PCDHA2: variants seen among roughly 807,000 people sequenced by gnomAD.
PCDHA2 encodes the protein protocadherin alpha 2.
In PCDHA2, 58 loss-of-function variants were observed where a neutral mutation model predicts 66.0. That is an observed-to-expected ratio of 0.88 (90% CI 0.71 to 1.09). PCDHA2 has a LOEUF of 1.09. Ranked by LOEUF, PCDHA2 falls within the 50% of genes least tolerant of loss-of-function variation. PCDHA2 has a pLI of 0.00. For missense variants in PCDHA2, 1,267 were observed against 1,242.3 expected (o/e 1.02, Z -0.30); for synonymous variants, 634 against 554.0 (o/e 1.14, Z -2.03).
chr5:140,876,802 G>C, intron 1 of PCDHA2: 2 of 1,614,248 alleles, frequency 1.2e-6, no homozygotes. Context: ...AGTGTCCGTG[G>C]AGGTGGCCGA....
At chr5:140,801,871 C>A (rs375984847) in intron 1 of PCDHA2, 9 of 1,613,966 alleles carry the variant, frequency 5.6e-6, no homozygotes, top group African/African-American at 2.7e-5. Context: ...CTCACTGGCA[C>A]GACTCAACTA....
chr5:140,984,516 TCA>T (rs1422083367), intron 3 of PCDHA2, among the ~76,000 whole-genome samples: 2 of 152,130 alleles, frequency 1.3e-5, no homozygotes, highest in Non-Finnish European at 2.9e-5. Context: ...GATGCATGAG[TCA>T]CAGTCTTCAT....
chr5:140,803,543 C>G (rs782432564), intron 1 of PCDHA2: 3 of 1,614,074 alleles, frequency 1.9e-6, no homozygotes, highest in East Asian at 2.2e-5. Flanking sequence ...GTCCAATTAG[C>G]CGGGATAGAG....
intron 1 of PCDHA2, chr5:140,836,371 C>T: frequency 6.2e-7 from 1 of 1,613,708 alleles, no homozygotes. Context: ...ACAGCCACAG[C>T]CACCGTGCTG....
At chr5:140,854,853 C>G (rs1441066752) in intron 1 of PCDHA2, among the ~76,000 whole-genome samples, 1 of 149,620 alleles carries the variant, frequency 6.7e-6, no homozygotes, top group Non-Finnish European at 1.5e-5. Flanking sequence ...GATAAAATTA[C>G]TAGATATATT....
chr5:140,967,173 T>C, intron 1 of PCDHA2: 1 of 1,611,178 alleles, frequency 6.2e-7, no homozygotes, highest in Non-Finnish European at 8.5e-7. Context: ...GCCGTTGAGG[T>C]GGAAATATTG....
chr5:140,868,942 C>G (rs1238492263), intron 1 of PCDHA2: 1 of 1,256,058 alleles, frequency 8.0e-7, no homozygotes, highest in Admixed American at 2.8e-5. Context: ...TTGGTCTGAA[C>G]AGTGAGGCAC....
intron 1 of PCDHA2, among the ~76,000 whole-genome samples, chr5:140,911,819 A>C (rs2075652599): frequency 6.6e-6 from 1 of 152,164 alleles, no homozygotes; most frequent in Admixed American, 6.6e-5. Context: ...CTTCTCCAGA[A>C]ACCCCAAAAC....
At chr5:140,914,393 C>A (rs1338816793) in intron 1 of PCDHA2, among the ~76,000 whole-genome samples, 1 of 152,080 alleles carries the variant, frequency 6.6e-6, no homozygotes, top group Non-Finnish European at 1.5e-5. Context: ...AGTGTAGTTA[C>A]CCCTGCTCCT....
rs2150360169 is a variant in PCDHA2 at position 140,843,445 on chromosome 5, C to T, written c.2388+46093C>T. The T allele has an allele frequency of 2.5e-6, 4 of 1,596,040 alleles. 1 individual carries two copies. The highest frequency in any genetic ancestry group is 1.7e-6 in the Non-Finnish European group (2 of 1,165,674). Reference sequence around the variant, plus strand: ...TGATCATCGCCATCTGCGCGGTATCCAGCCTGCTGGTGCTCACGCTGCTGC... The same window carrying T: ...TGATCATCGCCATCTGCGCGGTATCTAGCCTGCTGGTGCTCACGCTGCTGC... On this transcript the variant is annotated intron_variant, in intron 1 of 3. Coordinates refer to ENST00000526136, the MANE Select transcript of PCDHA2 (RefSeq NM_018905.3).
chr5:140,964,918 G>A (rs563180752), intron 1 of PCDHA2, among the ~76,000 whole-genome samples: 59 of 152,308 alleles, frequency 3.9e-4, no homozygotes, highest in Admixed American at 3.4e-3. Context: ...GAATAACACT[G>A]GCTAGGTAGT....
intron 1 of PCDHA2, among the ~76,000 whole-genome samples, chr5:140,892,032 T>C (rs1329804086): frequency 6.6e-6 from 1 of 152,222 alleles, no homozygotes; most frequent in African/African-American, 2.4e-5. Context: ...TCTAAGATAC[T>C]TTTATTTATT....
At chr5:140,853,596 A>G (rs2042799204) in intron 1 of PCDHA2, 1 of 986,974 alleles carries the variant, frequency 1.0e-6, no homozygotes, top group Non-Finnish European at 1.2e-6. Flanking sequence ...ACACTTTGAG[A>G]GCAAAGGGGG....
rs2150182143 is a variant in PCDHA2, at chr5:140,830,158, A to C, written c.2388+32806A>C. 4 of 1,613,420 alleles carry C rather than the reference A, an allele frequency of 2.5e-6. No individual in the cohort carries two copies. In the Admixed American group the frequency reaches 5.0e-5, roughly 20 times the overall value. On this transcript the variant is annotated intron_variant, in intron 1 of 3. Coordinates refer to ENST00000526136, the MANE Select transcript of PCDHA2 (RefSeq NM_018905.3). ...GGGCGTCGGTGGGCGCCGCGGGCCC[A>C]GAGGCGGCGCTGGTGGATGTCAACG...
chr5:140,821,753 C>T lies in PCDHA2; in HGVS notation c.2388+24401C>T, dbSNP rs2150110415. On this transcript the variant is annotated intron_variant, in intron 1 of 3. Transcript: ENST00000526136. The stretch of plus-strand genomic sequence containing the variant: ...CATTGTGTGGTGATGCAATAGAAAG[C>T]TCATAATTGGAACGAGATTGAGATG... The T allele has an allele frequency of 2.2e-3, 3,464 of 1,581,302 alleles. 58 individuals are homozygous for T. The African/African-American group carries it at 0.039, about 18-fold the overall frequency.
chr5:140,840,887 T>A (rs1359040754), intron 1 of PCDHA2, among the ~76,000 whole-genome samples: 2 of 151,984 alleles, frequency 1.3e-5, no homozygotes, highest in South Asian at 4.1e-4. Context: ...ATTTCTGATA[T>A]CCATGACATA....
intron 1 of PCDHA2, among the ~76,000 whole-genome samples, chr5:140,890,883 G>T (rs1339331273): frequency 1.3e-5 from 2 of 152,064 alleles, no homozygotes; most frequent in Non-Finnish European, 2.9e-5. Flanking sequence ...CCTTTCATCA[G>T]GGATTATTGT....
At position 140,835,844 on chromosome 5, in the gene PCDHA2, C is replaced by T. The variant is rs2150246309; in HGVS notation, c.2388+38492C>T. The T allele has an allele frequency of 8.1e-6, 13 of 1,612,362 alleles. No homozygotes were observed. The Admixed American group carries it at 1.0e-4, about 12-fold the overall frequency. On this transcript the variant is annotated intron_variant, in intron 1 of 3. Coordinates refer to ENST00000526136, the MANE Select transcript of PCDHA2 (RefSeq NM_018905.3). Reference sequence around the variant, plus strand: ...CGGGGGACGCGGACGCGCAGAAGAACGCGCTGGTGTCCTACTCGCTGGTGG... The same window carrying T: ...CGGGGGACGCGGACGCGCAGAAGAATGCGCTGGTGTCCTACTCGCTGGTGG...
chr5:140,871,702 T>C, intron 1 of PCDHA2: 1 of 877,954 alleles, frequency 1.1e-6, no homozygotes, highest in Non-Finnish European at 1.7e-6. Flanking sequence ...CTTTAACCAA[T>C]AAATGTCCTA....
Sources: allele counts gnomAD v4.1 joint callset (sites outside exome capture counted in the v4.1 genomes callset), GRCh38; gene constraint gnomAD v4.1.1; transcripts MANE v1.5; gene names NCBI Gene and HGNC (gene_info 2026-07-23, HGNC 2026-07-21).